Variants in RASA3 observed in about 807,000 individuals in gnomAD.
The protein encoded by RASA3 is RAS p21 protein activator 3.
RASA3 carries 73 observed loss-of-function variants against 110.0 expected under a neutral mutation model. That is an observed-to-expected ratio of 0.66 (90% CI 0.55 to 0.81). The LOEUF is 0.81. RASA3 is among the 30% of genes least tolerant of loss of function. The pLI, the probability that RASA3 is intolerant of heterozygous loss-of-function variation, is 0.00. For synonymous variants in RASA3, 500 were observed against 451.4 expected (o/e 1.11, Z -1.37); for missense variants, 976 against 1,113.2 (o/e 0.88, Z 1.75).
chr13:114,082,812 C>T (rs933531872), intron 1 of RASA3, among the ~76,000 whole-genome samples: 2 of 152,160 alleles, frequency 1.3e-5, no homozygotes, highest in Admixed American at 6.5e-5. Flanking sequence ...AATGCATGCA[C>T]GAGCTCAACT....
At chr13:114,026,528 C>A (rs565222295) in intron 7 of RASA3, among the ~76,000 whole-genome samples, 2 of 152,314 alleles carry the variant, frequency 1.3e-5, no homozygotes, top group Middle Eastern at 3.4e-3. Context: ...GGGGCCCTTT[C>A]GAGCCTCAGC....
chr13:114,019,504 C>T (rs997923637), intron 9 of RASA3, among the ~76,000 whole-genome samples: 8 of 138,438 alleles, frequency 5.8e-5, no homozygotes, highest in Non-Finnish European at 9.5e-5. Context: ...TCCGAGGCCC[C>T]GCCCCCATCA....
chr13:114,049,568 C>G (rs2079108652), intron 3 of RASA3, among the ~76,000 whole-genome samples: 1 of 152,260 alleles, frequency 6.6e-6, no homozygotes, highest in African/African-American at 2.4e-5. Context: ...AAAAATGTCT[C>G]ATACACCTTC....
intron 22 of RASA3, among the ~76,000 whole-genome samples, chr13:113,991,691 G>A (rs1028248736): frequency 6.6e-6 from 1 of 152,210 alleles, no homozygotes; most frequent in East Asian, 1.9e-4. Flanking sequence ...AACACACGGT[G>A]TGCCTGGCAC....
At chr13:114,087,890 G>A (rs1415277948) in intron 1 of RASA3, among the ~76,000 whole-genome samples, 1 of 152,228 alleles carries the variant, frequency 6.6e-6, no homozygotes, top group Non-Finnish European at 1.5e-5. Flanking sequence ...AGAATTTTGA[G>A]AGGCTGAGGC....
At chr13:114,032,851 G>A (rs539702287) in intron 4 of RASA3, among the ~76,000 whole-genome samples, 186 of 87,612 alleles carry the variant, frequency 2.1e-3, no homozygotes, top group Non-Finnish European at 3.2e-3. Flanking sequence ...TTGATACCAC[G>A]TTCCACGGCA....
chr13:114,117,557 G>T (rs1594474420), intron 1 of RASA3, among the ~76,000 whole-genome samples: 1 of 141,588 alleles, frequency 7.1e-6, no homozygotes, highest in South Asian at 2.3e-4. Flanking sequence ...GGGAGCACGT[G>T]TGTGAGGGGT....
chr13:114,003,890 C>T (rs9562079), intron 18 of RASA3, among the ~76,000 whole-genome samples: 48,575 of 152,118 alleles, frequency 0.32, 7,878 homozygotes, highest in East Asian at 0.41. Flanking sequence ...AATATTCTGG[C>T]GTCTCTTTAT....
intron 2 of RASA3, among the ~76,000 whole-genome samples, chr13:114,053,561 CA>C (rs1429398178): frequency 3.3e-5 from 5 of 152,346 alleles, no homozygotes; most frequent in South Asian, 2.1e-4. Context: ...CGTGCTGGGC[CA>C]GGGGGCGTCC....
chr13:113,998,102 G>A lies in RASA3; in HGVS notation c.1933-1363C>T, dbSNP rs143969135. ...TGGGAATGAACAGCTGGGAACAGGCGGCTGAAACTAGGGAATTATTGGGAA... is the reference window on the plus strand; with the variant it reads ...TGGGAATGAACAGCTGGGAACAGGCAGCTGAAACTAGGGAATTATTGGGAA... On this transcript the variant is annotated intron_variant, in intron 20 of 23. Transcript: ENST00000334062. Among the ~76,000 whole-genome samples the A allele has an allele frequency of 1.1e-4, 17 of 152,312 alleles. No homozygotes were observed. The East Asian group carries it at 2.5e-3, about 23-fold the overall frequency.
intron 1 of RASA3, among the ~76,000 whole-genome samples, chr13:114,075,960 G>C (rs35356922): frequency 0.3 from 8,821 of 29,830 alleles, 1,145 homozygotes; most frequent in African/African-American, 0.47. Context: ...CGTATCTCTG[G>C]GTGTGGAGGC....
intron 7 of RASA3, among the ~76,000 whole-genome samples, chr13:114,025,732 T>C (rs2054013625): frequency 6.6e-6 from 1 of 152,276 alleles, no homozygotes; most frequent in Non-Finnish European, 1.5e-5. Context: ...GGTCTTAATG[T>C]GTCTAGTTGT....
intron 22 of RASA3, among the ~76,000 whole-genome samples, chr13:113,991,020 C>T (rs1309914758): frequency 5.1e-5 from 7 of 136,878 alleles, no homozygotes; most frequent in African/African-American, 2.1e-4. Context: ...GGAGATCAGG[C>T]GTGGCCAAGC....
chr13:114,112,050 C>T lies in RASA3; in HGVS notation c.55+20385G>A, dbSNP rs1246216302. 6.6e-6 allele frequency among the ~76,000 whole-genome samples: 1 copy of T among 151,912 alleles called. No homozygotes were observed. The highest frequency in any genetic ancestry group is 2.4e-5 in the African/African-American group (1 of 41,370). ...GCAGATTCGCCCCTTTGTGTGGTCC[C>T]GTAAGTGACACTGTCCCTCCCTCTC... On this transcript the variant is annotated intron_variant, in intron 1 of 23. Coordinates refer to ENST00000334062, the MANE Select transcript of RASA3 (RefSeq NM_007368.4). The surrounding 1 kb of genome is among the most constrained non-coding windows in gnomAD (Gnocchi z 4.8).
intron 12 of RASA3, 121 bp from the exon 13 acceptor site, chr13:114,016,392 G>A (rs2274716): frequency 0.31 from 235,859 of 759,402 alleles, 38,108 homozygotes; most frequent in East Asian, 0.43. Flanking sequence ...AAAATGCCAC[G>A]ACAGCTCCCC....
chr13:114,021,575 C>G, intron 8 of RASA3, 67 bp from the exon 9 acceptor site: 2 of 1,305,038 alleles, frequency 1.5e-6, no homozygotes, highest in South Asian at 1.2e-5. Context: ...AGATGACAGG[C>G]CACGCTTTGT....
At chr13:114,087,691 G>A (rs2079840004) in intron 1 of RASA3, among the ~76,000 whole-genome samples, 1 of 152,226 alleles carries the variant, frequency 6.6e-6, no homozygotes, top group Non-Finnish European at 1.5e-5. Flanking sequence ...CGGCTCCCGG[G>A]GCCAGCAGGG....
At chr13:114,009,673 T>C (rs1192084398) in intron 16 of RASA3, among the ~76,000 whole-genome samples, 1 of 152,220 alleles carries the variant, frequency 6.6e-6, no homozygotes, top group Non-Finnish European at 1.5e-5. Context: ...CCATCAGACC[T>C]GCCAGTGCCC....
At chr13:114,075,467 ATCTCT>A (rs2079654276) in intron 1 of RASA3, among the ~76,000 whole-genome samples, 1 of 85,948 alleles carries the variant, frequency 1.2e-5, no homozygotes, top group Admixed American at 1.0e-4. Flanking sequence ...CGCGCCGCGT[ATCTCT>A]GCGTGTGGAG....
Sources: allele counts gnomAD v4.1 joint callset (sites outside exome capture counted in the v4.1 genomes callset), GRCh38; gene constraint gnomAD v4.1.1; non-coding constraint Gnocchi (gnomAD v3.1); transcripts MANE v1.5; gene names NCBI Gene and HGNC (gene_info 2026-07-23, HGNC 2026-07-21).